The following HSF1 variants were observed in gnomAD, a reference collection of about 807,000 sequenced individuals.
HSF1 encodes heat shock transcription factor 1.
Under a neutral mutation model 51.7 loss-of-function variants are expected in HSF1, and 32 were observed. The observed-to-expected ratio is 0.62, with a 90% confidence interval of 0.47 to 0.83. The LOEUF (loss-of-function observed/expected upper bound fraction) is 0.83. Ranked by LOEUF, HSF1 falls within the 40% of genes least tolerant of loss-of-function variation. HSF1 has a pLI of 0.00. For synonymous variants in HSF1, 396 were observed against 309.7 expected (o/e 1.28, Z -2.92); for missense variants, 727 against 717.0 (o/e 1.01, Z -0.16).
chr8:144,293,178 T>C (rs772878496), intron 1 of HSF1, among the ~76,000 whole-genome samples: 1 of 152,204 alleles, frequency 6.6e-6, no homozygotes, highest in Non-Finnish European at 1.5e-5. Context: ...GTTTTCTGCT[T>C]CTTGGGTTTA....
chr8:144,312,853 C>A (rs1816780519), intron 9 of HSF1: 1 of 723,766 alleles, frequency 1.4e-6, no homozygotes, highest in South Asian at 1.7e-5. Flanking sequence ...GTGGCGGGGG[C>A]TCAGTGTCGT....
In HSF1 at chr8:144,314,527, C is replaced by T. The variant is rs1817096330; in HGVS notation, c.*197C>T. 1 of 601,628 alleles carries T rather than the reference C, an allele frequency of 1.7e-6. No individual in the cohort carries two copies. The highest frequency in any genetic ancestry group is 3.0e-6 in the Non-Finnish European group (1 of 338,590). 37.3% of individuals were successfully genotyped at this position (601,628 alleles called of 1,614,324 possible). A position where few individuals can be genotyped will look rare whatever the true frequency, so the allele number is the denominator to read the frequency against. ...GCCTGCCAGTCTGCCTTCCCCCAAC[C>T]CCGTGTCCTGTGGTTTGGTTGGGGC... On this transcript the variant is annotated 3_prime_UTR_variant, in exon 13 of 13. Transcript: ENST00000528838.
At chr8:144,310,314 C>T in intron 4 of HSF1, 1 of 166,574 alleles carries the variant, frequency 6.0e-6, no homozygotes, top group Non-Finnish European at 1.3e-5. Flanking sequence ...GCCCATGGAG[C>T]TAGCCCCCAG....
At chr8:144,299,458 G>C (rs1010839901) in intron 1 of HSF1, among the ~76,000 whole-genome samples, 1 of 149,772 alleles carries the variant, frequency 6.7e-6, no homozygotes, top group Non-Finnish European at 1.5e-5. Flanking sequence ...AAAAATTCAC[G>C]TCCAGAATCT....
At chr8:144,312,496 C>T (rs1397116617) in intron 9 of HSF1, 1 of 845,604 alleles carries the variant, frequency 1.2e-6, no homozygotes, top group Non-Finnish European at 1.9e-6. Flanking sequence ...CTGCTGCCGC[C>T]ACCCTCGCCA....
rs893419883 is a variant in HSF1, at chr8:144,310,125, C to G, written c.488+229C>G. 5.5e-6 allele frequency: 3 copies of G among 550,014 alleles called. No homozygotes were observed. The Admixed American group carries it at 9.6e-5, about 18-fold the overall frequency. 34.1% of individuals were successfully genotyped at this position (550,014 alleles called of 1,614,324 possible). ...AGAAGGGGGTTGGGAGGGTCCCCTGCTCTGCACATCCCCAGCGCCCTCTGG... is the reference window on the plus strand; with the variant it reads ...AGAAGGGGGTTGGGAGGGTCCCCTGGTCTGCACATCCCCAGCGCCCTCTGG... On this transcript the variant is annotated intron_variant, in intron 4 of 12. Coordinates refer to ENST00000528838, the MANE Select transcript of HSF1 (RefSeq NM_005526.4).
intron 1 of HSF1, among the ~76,000 whole-genome samples, chr8:144,307,250 A>G (rs188073547): frequency 6.6e-6 from 1 of 152,336 alleles, no homozygotes; most frequent in East Asian, 1.9e-4. Flanking sequence ...TTTATTCAGG[A>G]GAGCTTCAAG....
intron 1 of HSF1, among the ~76,000 whole-genome samples, chr8:144,293,276 CCGCTGACA>C (rs1420645197): frequency 6.6e-6 from 1 of 152,146 alleles, no homozygotes; most frequent in Non-Finnish European, 1.5e-5. Context: ...TGTGTTTGTC[CCGCTGACA>C]CCTCTGTGTT....
Position 144,297,022 on chromosome 8 carries a change from A to G in HSF1, c.117+5148A>G, listed in dbSNP as rs906993974. Among the ~76,000 whole-genome samples, 5 of 151,908 alleles carry G rather than the reference A, an allele frequency of 3.3e-5. No homozygotes were observed. The highest frequency in any genetic ancestry group is 1.2e-4 in the African/African-American group (5 of 41,336). ...CAGATGCCTCCGGTGCCCCATGCCC[A>G]CCCAACTCCACAGGCTAGTGTTTGC... On this transcript the variant is annotated intron_variant, in intron 1 of 12. Transcript: ENST00000528838. The surrounding 1 kb of genome is among the most constrained non-coding windows in gnomAD (Gnocchi z 4.6).
chr8:144,296,176 C>A (rs143088566), intron 1 of HSF1, among the ~76,000 whole-genome samples: 41 of 152,122 alleles, frequency 2.7e-4, no homozygotes, highest in African/African-American at 4.6e-4. Flanking sequence ...GGGGCAGGGC[C>A]TGAGGGGTCC....
At chr8:144,311,006 C>A in intron 4 of HSF1, 168 bp from the exon 5 acceptor site, 1 of 646,844 alleles carries the variant, frequency 1.5e-6, no homozygotes, top group Admixed American at 2.9e-5. Context: ...AGCCCTGGCC[C>A]TGGCCCCCAG....
At chr8:144,305,347 T>A (rs1303507733) in intron 1 of HSF1, among the ~76,000 whole-genome samples, 1 of 152,068 alleles carries the variant, frequency 6.6e-6, no homozygotes, top group Non-Finnish European at 1.5e-5. Flanking sequence ...GTCACTAGAC[T>A]GGAGTGCAGT....
chr8:144,311,671 C>T (rs771842120), intron 7 of HSF1, 29 bp from the exon 8 acceptor site: 2 of 1,610,174 alleles, frequency 1.2e-6, no homozygotes, highest in Non-Finnish European at 1.7e-6. Flanking sequence ...CCTGCCGGCA[C>T]TGCATGGACC....
At chr8:144,313,662 CG>C (rs1816902715) in intron 10 of HSF1, 46 bp downstream of exon 10, 4 of 86,620 alleles carry the variant, frequency 4.6e-5, no homozygotes, top group African/African-American at 2.7e-4. Flanking sequence ...GCCTCCCCGC[CG>C]CGCCGCCCCG....
intron 1 of HSF1, among the ~76,000 whole-genome samples, chr8:144,302,540 G>A (rs782499570): frequency 2.0e-5 from 3 of 150,820 alleles, no homozygotes; most frequent in Admixed American, 6.6e-5. Flanking sequence ...TAAATAAAAC[G>A]CAAGTGGCTG....
rs746111104 is a variant in HSF1, at chr8:144,291,957, A to C, written c.117+83A>C. On this transcript the variant is annotated intron_variant, in intron 1 of 12. Coordinates refer to ENST00000528838, the MANE Select transcript of HSF1 (RefSeq NM_005526.4). The surrounding 1 kb of genome is among the most constrained non-coding windows in gnomAD (Gnocchi z 4.1). ...CGGACGGCGCGGGAGGGCTGCGGGG[A>C]GGGGCCCTGCCGCACTTCAGCTTAC... 7 of 672,040 alleles carry C rather than the reference A, an allele frequency of 1.0e-5. No individual in the cohort carries two copies. Among genetic ancestry groups the C allele is most frequent in the Non-Finnish European group, 1.5e-5 (7 of 452,628 alleles). 41.6% of individuals were successfully genotyped at this position (672,040 alleles called of 1,614,324 possible).
chr8:144,312,128 C>T lies in HSF1; in HGVS notation c.1026C>T (p.Pro342=), dbSNP rs782342205. 19 of 1,612,138 alleles carry T rather than the reference C, an allele frequency of 1.2e-5. No individual in the cohort carries two copies. The Admixed American group carries it at 1.8e-4, about 16-fold the overall frequency. ...DSILRESEPA[P]ASVTALTDAR... is the part of the protein sequence containing the mutation. ...TCCTGCGGGAGAGTGAACCTGCCCC[C>T]GCCTCCGTCACAGCCCTCACGGACG... Residue 342 remains proline (P), a synonymous_variant, in exon 9 of 13, where the codon CCC becomes CCT. Transcript: ENST00000528838.
chr8:144,296,243 A>G (rs1815445109), intron 1 of HSF1, among the ~76,000 whole-genome samples: 2 of 152,204 alleles, frequency 1.3e-5, no homozygotes, highest in Non-Finnish European at 2.9e-5. Flanking sequence ...TTGCAGAAGC[A>G]GAGCCGACCT....
rs782041695 is a variant in HSF1, at chr8:144,309,559, C to T, written c.331C>T (p.Leu111Phe). 6.2e-7 allele frequency: 1 copy of T among 1,614,064 alleles called. No homozygotes were observed. The highest frequency in any genetic ancestry group is 1.1e-5 in the South Asian group (1 of 91,090). ...ATGCTTCCTGCGTGGCCAGGAGCAG[C>T]TCCTTGAGAACATCAAGAGGAAAGT... ...HPCFLRGQEQLLENIKRKVTS... is the reference protein window; with the variant it reads ...HPCFLRGQEQFLENIKRKVTS... The change falls in exon 3 of 13, where the codon CTC (leucine) becomes TTC (phenylalanine). Residue 111 changes from leucine to phenylalanine, a missense_variant. Physicochemically the swap from Leu to Phe is conservative, Grantham distance 22. Transcript: ENST00000528838.
Sources: gnomAD v4.1 joint callset for allele counts (sites outside exome capture counted in the v4.1 genomes callset) on GRCh38, gnomAD v4.1.1 for gene constraint, Gnocchi (gnomAD v3.1) non-coding constraint, MANE v1.5 for transcripts, NCBI Gene and HGNC (gene_info 2026-07-23, HGNC 2026-07-21) for gene names.